The following FYB1 variants were observed in gnomAD, a reference collection of about 807,000 sequenced individuals.
The protein encoded by FYB1 is FYN-binding protein 1.
A neutral mutation model predicts 94.1 loss-of-function variants in FYB1; 41 were observed. The ratio of observed to expected loss-of-function variants is 0.44; its 90% CI spans 0.34 to 0.57. The LOEUF is 0.57. FYB1 is among the 20% of genes least tolerant of loss of function. The probability of loss-of-function intolerance (pLI) is 0.02; values close to 1 mark genes in which losing one functional copy is unlikely to be tolerated. For missense variants in FYB1, 1,050 were observed against 976.8 expected, an observed-to-expected ratio of 1.07 and a Z score of -1.00; for synonymous variants, 367 against 353.2, an observed-to-expected ratio of 1.04 and a Z score of -0.44.
chr5:39,189,727 A>T (rs559003732), intron 2 of FYB1, among the ~76,000 whole-genome samples: 1 of 152,344 alleles, frequency 6.6e-6, no homozygotes, highest in Admixed American at 6.5e-5. Context: ...AAGGACGGAG[A>T]CTGCCAATAT....
At chr5:39,219,734 T>G (rs999940206), upstream of FYB1, 1 of 323,740 alleles carries the variant, frequency 3.1e-6, no homozygotes, top group African/African-American at 2.2e-5. Context: ...GCCTGGATAC[T>G]TCTGCTAACA....
intron 2 of FYB1, among the ~76,000 whole-genome samples, chr5:39,171,116 C>T (rs776422773): frequency 9.2e-5 from 14 of 151,906 alleles, no homozygotes; most frequent in Non-Finnish European, 1.2e-4. Flanking sequence ...GGTGAAACCC[C>T]GTCTCTACTA....
chr5:39,207,319 T>C (rs947271265), intron 1 of FYB1, among the ~76,000 whole-genome samples: 16 of 152,194 alleles, frequency 1.1e-4, no homozygotes, highest in Non-Finnish European at 2.2e-4. Context: ...AGAAAATCTC[T>C]TCATAGAAAT....
chr5:39,218,091 A>G (rs1750018529), intron 1 of FYB1, among the ~76,000 whole-genome samples: 2 of 152,346 alleles, frequency 1.3e-5, no homozygotes, highest in East Asian at 1.9e-4. Context: ...TTGAAGCCCA[A>G]TGGTAGTAAA....
At chr5:39,186,775 T>A (rs1232452102) in intron 2 of FYB1, among the ~76,000 whole-genome samples, 9 of 151,842 alleles carry the variant, frequency 5.9e-5, no homozygotes, top group Non-Finnish European at 1.5e-5. Context: ...AAATATTAAT[T>A]AAATTGCTGC....
chr5:39,168,537 G>T (rs1393229505), intron 2 of FYB1, among the ~76,000 whole-genome samples: 3 of 152,034 alleles, frequency 2.0e-5, no homozygotes, highest in African/African-American at 7.2e-5. Flanking sequence ...CCACAGTTAG[G>T]TTATCAATTG....
chr5:39,257,937 C>G (rs1273972305), intron 1 of FYB1, among the ~76,000 whole-genome samples: 1 of 152,186 alleles, frequency 6.6e-6, no homozygotes, highest in African/African-American at 2.4e-5. Context: ...GACCACTGAT[C>G]CAAAGCGTCT....
At position 39,207,322 on chromosome 5, in the gene FYB1, A is replaced by C. The variant is rs549085576; in HGVS notation, c.-27-4335T>G. Among the ~76,000 whole-genome samples, 3 of 152,332 alleles carry C rather than the reference A, an allele frequency of 2.0e-5. No homozygotes were observed. In the South Asian group the frequency reaches 6.2e-4, roughly 32 times the overall value. ...AGATTTAATAGTAGAAAATCTCTTC[A>C]TAGAAATTAATTTCCTTTAGCCCCC... On this transcript the variant is annotated intron_variant, in intron 1 of 18. Transcript: ENST00000512982.
At chr5:39,186,787 A>G (rs1302034133) in intron 2 of FYB1, among the ~76,000 whole-genome samples, 1 of 151,950 alleles carries the variant, frequency 6.6e-6, no homozygotes, top group Non-Finnish European at 1.5e-5. Flanking sequence ...AATTGCTGCC[A>G]ATTATTGTCT....
intron 1 of FYB1, among the ~76,000 whole-genome samples, chr5:39,213,567 C>T (rs1749603056): frequency 6.6e-6 from 1 of 152,128 alleles, no homozygotes; most frequent in African/African-American, 2.4e-5. Flanking sequence ...GCCAAAACAT[C>T]CTGATTGACT....
At chr5:39,186,529 A>T (rs75758218) in intron 2 of FYB1, among the ~76,000 whole-genome samples, 1 of 152,112 alleles carries the variant, frequency 6.6e-6, no homozygotes. Context: ...CAAGAGAGGC[A>T]CAGGAAGAGA....
intron 16 of FYB1, among the ~76,000 whole-genome samples, chr5:39,118,287 G>GT (rs770785715): frequency 1.3e-5 from 2 of 152,160 alleles, no homozygotes; most frequent in Non-Finnish European, 2.9e-5. Context: ...GTTGCACTAA[G>GT]TGTGTTCAAA....
chr5:39,139,210 A>G, intron 5 of FYB1, 23 bp downstream of exon 5: 2 of 1,458,840 alleles, frequency 1.4e-6, no homozygotes, highest in Middle Eastern at 1.8e-4. Context: ...TCAATATAAT[A>G]TGAGAAGAGA....
In FYB1 at chr5:39,266,311, T is replaced by C. The variant is rs190142825; in HGVS notation, c.-28+8092A>G. Among the ~76,000 whole-genome samples, 825 of 152,198 alleles carry C rather than the reference T, an allele frequency of 5.4e-3. 7 individuals carry two copies. The highest frequency in any genetic ancestry group is 0.018 in the African/African-American group (748 of 41,528). ...CAACTCTGTATCTTGACTGAGCCTCTTGAAAGAGGGCTGAAGAGATAGGGT... is the reference window on the plus strand; with the variant it reads ...CAACTCTGTATCTTGACTGAGCCTCCTGAAAGAGGGCTGAAGAGATAGGGT... On this transcript the variant is annotated intron_variant, in intron 1 of 1. Transcript: ENST00000510188.
intron 7 of FYB1, among the ~76,000 whole-genome samples, chr5:39,136,870 G>C (rs1313792471): frequency 6.6e-6 from 1 of 152,124 alleles, no homozygotes; most frequent in Non-Finnish European, 1.5e-5. Flanking sequence ...AATTCTTTTT[G>C]AAAGAATAAT....
rs34392680 is a variant in FYB1 at position 39,224,773 on chromosome 5, AT to A, written c.-27-21787del. Among the ~76,000 whole-genome samples the A allele has an allele frequency of 3.9e-3, 599 of 152,268 alleles. 1 individual carries two copies. Among genetic ancestry groups the A allele is most frequent in the Non-Finnish European group, 7.3e-3 (496 of 68,034 alleles). ...AAGCTGCAGGACTGGCTCCTATTTA[AT>A]GTGTAAAAAGTGGCTTTTCTCTACT... On this transcript the variant is annotated intron_variant, in intron 1 of 1. Coordinates refer to the FYB1 transcript ENST00000510188.
intron 1 of FYB1, among the ~76,000 whole-genome samples, chr5:39,254,971 C>T (rs575803309): frequency 1.2e-4 from 19 of 152,126 alleles, no homozygotes; most frequent in Non-Finnish European, 2.2e-4. Flanking sequence ...AATGGAAAGG[C>T]CTTATACTTT....
intron 1 of FYB1, among the ~76,000 whole-genome samples, chr5:39,264,294 G>A (rs1341789845): frequency 6.6e-6 from 1 of 152,202 alleles, no homozygotes; most frequent in Non-Finnish European, 1.5e-5. Context: ...TGGTATGTGA[G>A]GACACAGCAA....
At chr5:39,238,723 C>T (rs541775583) in intron 1 of FYB1, among the ~76,000 whole-genome samples, 14 of 152,140 alleles carry the variant, frequency 9.2e-5, no homozygotes, top group Admixed American at 1.3e-4. Context: ...TCCAGAATAC[C>T]AAAACAAAGA....
Sources: allele counts gnomAD v4.1 joint callset (sites outside exome capture counted in the v4.1 genomes callset), GRCh38; gene constraint gnomAD v4.1.1; transcripts MANE v1.5; gene names NCBI Gene and HGNC (gene_info 2026-07-23, HGNC 2026-07-21).